MAGI2: variants seen among roughly 807,000 people sequenced by gnomAD.
MAGI2 encodes membrane-associated guanylate kinase, WW and PDZ domain-containing protein 2.
In MAGI2, 35 loss-of-function variants were observed where a neutral mutation model predicts 133.3. The observed-to-expected ratio is 0.26, with a 90% CI of 0.20 to 0.35. MAGI2 has a LOEUF of 0.35. MAGI2 is among the 10% of genes least tolerant of loss of function. The pLI is 1.00. For synonymous variants in MAGI2, 729 were observed against 710.6 expected (o/e 1.03, Z -0.41); for missense variants, 1,636 against 1,863.4 (o/e 0.88, Z 2.25).
intron 1 of MAGI2, among the ~76,000 whole-genome samples, chr7:79,175,547 A>G (rs911538621): frequency 6.6e-6 from 1 of 151,956 alleles, no homozygotes; most frequent in Non-Finnish European, 1.5e-5. Flanking sequence ...TTCTAAGTGC[A>G]GTCATGTGTC....
intron 2 of MAGI2, among the ~76,000 whole-genome samples, chr7:78,689,455 T>C (rs1182373007): frequency 6.6e-6 from 1 of 152,178 alleles, no homozygotes; most frequent in Non-Finnish European, 1.5e-5. Flanking sequence ...TGCTCCAAGT[T>C]TGATTTGTTT....
chr7:79,387,012 C>G (rs36062881), intron 1 of MAGI2, among the ~76,000 whole-genome samples: 1 of 151,192 alleles, frequency 6.6e-6, no homozygotes, highest in Non-Finnish European at 1.5e-5. Flanking sequence ...CACACACACA[C>G]GTTATATATA....
At chr7:79,328,221 T>A (rs1361305678) in intron 1 of MAGI2, among the ~76,000 whole-genome samples, 1 of 152,184 alleles carries the variant, frequency 6.6e-6, no homozygotes, top group Admixed American at 6.5e-5. Flanking sequence ...TAAACTTGAA[T>A]ACTGTTTTTC....
intron 3 of MAGI2, among the ~76,000 whole-genome samples, chr7:78,542,779 C>G (rs1798521307): frequency 6.6e-6 from 1 of 152,118 alleles, no homozygotes; most frequent in Non-Finnish European, 1.5e-5. Context: ...AGGGCCTTGT[C>G]AGTGAAGTCA....
At position 79,170,199 on chromosome 7, in the gene MAGI2, A is replaced by G. The variant is rs1405870570; in HGVS notation, c.302-162993T>C. Among the ~76,000 whole-genome samples the G allele has an allele frequency of 6.4e-5, 7 of 108,698 alleles. No homozygotes were observed. In the South Asian group the frequency reaches 2.0e-3, roughly 30 times the overall value. 71.3% of individuals were successfully genotyped at this position (108,698 alleles called of 152,430 possible). ...GGTCTTGCTCTGTTCCCTAGTCTGG[A>G]GTGTAGTGGCATGATCATAGCTCAC... On this transcript the variant is annotated intron_variant, in intron 1 of 21. Transcript: ENST00000354212.
At chr7:79,385,666 A>G (rs1198566787) in intron 1 of MAGI2, among the ~76,000 whole-genome samples, 5 of 151,944 alleles carry the variant, frequency 3.3e-5, no homozygotes, top group African/African-American at 1.2e-4. Context: ...AGAGAATGAA[A>G]GAGTGGTTAT....
intron 2 of MAGI2, among the ~76,000 whole-genome samples, chr7:78,919,168 G>A (rs1041647057): frequency 3.9e-5 from 6 of 152,016 alleles, no homozygotes; most frequent in Non-Finnish European, 7.4e-5. Flanking sequence ...CTGTGTCTTT[G>A]TAATGTAGTC....
At chr7:78,247,815 C>A (rs547095509) in intron 10 of MAGI2, among the ~76,000 whole-genome samples, 1 of 151,990 alleles carries the variant, frequency 6.6e-6, no homozygotes, top group Non-Finnish European at 1.5e-5. Context: ...CTATGGGAGT[C>A]CTGGGATACC....
intron 1 of MAGI2, among the ~76,000 whole-genome samples, chr7:79,135,236 C>A (rs935061790): frequency 1.4e-5 from 2 of 146,476 alleles, no homozygotes; most frequent in Admixed American, 6.8e-5. Context: ...GGAAAAAAAA[C>A]AGTATCAGGG....
rs541061227 is a variant in MAGI2, at chr7:78,834,175, T to C, written c.418+172915A>G. On this transcript the variant is annotated intron_variant, in intron 2 of 21. Coordinates refer to ENST00000354212, the MANE Select transcript of MAGI2 (RefSeq NM_012301.4). Reference sequence around the variant, plus strand: ...ATGGGCATGGCTTCAACTCTATTTTTATCAGAGCTTTAAAAAACTTGAGAT... The same window carrying C: ...ATGGGCATGGCTTCAACTCTATTTTCATCAGAGCTTTAAAAAACTTGAGAT... Among the ~76,000 whole-genome samples, 7 of 152,332 alleles carry C rather than the reference T, an allele frequency of 4.6e-5. No homozygotes were observed. The South Asian group carries it at 1.4e-3, about 32-fold the overall frequency.
chr7:78,783,143 A>AT (rs1826534072), intron 2 of MAGI2, among the ~76,000 whole-genome samples: 2 of 151,214 alleles, frequency 1.3e-5, no homozygotes, highest in Admixed American at 1.3e-4. Flanking sequence ...CAAGAAAAAT[A>AT]TTAGGTGCTC....
intron 2 of MAGI2, among the ~76,000 whole-genome samples, chr7:78,965,143 A>C (rs1472429961): frequency 6.6e-6 from 1 of 151,420 alleles, no homozygotes; most frequent in East Asian, 1.9e-4. Flanking sequence ...GTATAAAAAC[A>C]AGTACTTTCT....
At chr7:78,376,091 C>T (rs1585049779) in intron 6 of MAGI2, among the ~76,000 whole-genome samples, 1 of 152,020 alleles carries the variant, frequency 6.6e-6, no homozygotes, top group South Asian at 2.1e-4. Context: ...AAGCTAACCA[C>T]AGTCCCATTA....
At chr7:78,397,809 T>C (rs1796498391) in intron 6 of MAGI2, among the ~76,000 whole-genome samples, 1 of 152,168 alleles carries the variant, frequency 6.6e-6, no homozygotes, top group African/African-American at 2.4e-5. Flanking sequence ...CAGGAAGTAG[T>C]TCCATACGAT....
chr7:78,661,990 T>C (rs1206372842), intron 2 of MAGI2, among the ~76,000 whole-genome samples: 1 of 152,116 alleles, frequency 6.6e-6, no homozygotes. Flanking sequence ...GAGTAGGCTG[T>C]GTAGGGGTGG....
intron 4 of MAGI2, among the ~76,000 whole-genome samples, chr7:78,517,703 C>A (rs1205265503): frequency 6.6e-6 from 1 of 151,718 alleles, no homozygotes; most frequent in Non-Finnish European, 1.5e-5. Flanking sequence ...TTTCCATTAC[C>A]AAGGCAATGT....
At chr7:78,384,551 A>T (rs930023479) in intron 6 of MAGI2, among the ~76,000 whole-genome samples, 3 of 152,192 alleles carry the variant, frequency 2.0e-5, no homozygotes, top group Non-Finnish European at 4.4e-5. Context: ...TAATGCAATA[A>T]ATCAGCAACA....
intron 1 of MAGI2, among the ~76,000 whole-genome samples, chr7:79,114,258 A>C (rs1048827322): frequency 6.6e-6 from 1 of 152,162 alleles, no homozygotes; most frequent in African/African-American, 2.4e-5. Flanking sequence ...CTTAGATTAG[A>C]ACACTTTCCT....
intron 10 of MAGI2, among the ~76,000 whole-genome samples, chr7:78,220,869 G>A (rs1012065349): frequency 2.6e-5 from 4 of 152,156 alleles, no homozygotes; most frequent in Non-Finnish European, 4.4e-5. Flanking sequence ...AAACTTTATT[G>A]AGCTTTGACT....
Sources: allele counts gnomAD v4.1 joint callset (sites outside exome capture counted in the v4.1 genomes callset), GRCh38; gene constraint gnomAD v4.1.1; transcripts MANE v1.5; gene names NCBI Gene and HGNC (gene_info 2026-07-23, HGNC 2026-07-21).